DYNLRB2: variants seen among roughly 807,000 people sequenced by gnomAD.
DYNLRB2 encodes bithoraxoid-like protein.
In DYNLRB2, 14 loss-of-function variants were observed where a neutral mutation model predicts 12.6. The observed-to-expected ratio is 1.11, with a 90% CI of 0.73 to 1.73. DYNLRB2 has a LOEUF of 1.73. DYNLRB2 is among the 40% of genes most tolerant of loss of function. DYNLRB2 has a pLI of 0.00. For synonymous variants in DYNLRB2, 53 were observed against 37.0 expected, an observed-to-expected ratio of 1.43 and a Z score of -1.57; for missense variants, 142 against 117.7, an observed-to-expected ratio of 1.21 and a Z score of -0.95.
intron 1 of DYNLRB2, among the ~76,000 whole-genome samples, chr16:80,542,616 A>G (rs1328950564): frequency 6.6e-6 from 1 of 152,210 alleles, no homozygotes; most frequent in African/African-American, 2.4e-5. Context: ...AACATACAAT[A>G]CACTCTACAC....
intron 1 of DYNLRB2, among the ~76,000 whole-genome samples, chr16:80,542,643 G>C (rs1904298230): frequency 6.6e-6 from 1 of 152,162 alleles, no homozygotes; most frequent in Admixed American, 6.5e-5. Flanking sequence ...TTCCGAATGA[G>C]TTTAAAACAC....
At chr16:80,545,109 C>G (rs2142309081) in intron 2 of DYNLRB2, among the ~76,000 whole-genome samples, 1 of 152,274 alleles carries the variant, frequency 6.6e-6, no homozygotes, top group East Asian at 1.9e-4. Flanking sequence ...AACCACTCAT[C>G]TAATGTGATT....
chr16:80,541,276 G>C (rs1158564568), intron 1 of DYNLRB2, 197 bp downstream of exon 1: 1 of 954,266 alleles, frequency 1.0e-6, no homozygotes, highest in East Asian at 1.2e-4. Flanking sequence ...ATGACTGGAA[G>C]CTGTTTTGGG....
chr16:80,548,786 A>G (rs1349084043), intron 2 of DYNLRB2, among the ~76,000 whole-genome samples: 2 of 152,066 alleles, frequency 1.3e-5, no homozygotes, highest in Non-Finnish European at 2.9e-5. Context: ...AAAGCCAAAA[A>G]TGGGTGCAAA....
intron 3 of DYNLRB2, 108 bp downstream of exon 3, chr16:80,549,759 T>C (rs1324536017): frequency 8.8e-7 from 1 of 1,141,722 alleles, no homozygotes; most frequent in Non-Finnish European, 1.1e-6. Flanking sequence ...ATATAAAACA[T>C]AATATTCTTC....
rs374532127 is a variant in DYNLRB2 at position 80,549,511 on chromosome 16, A to G, written c.107A>G (p.Asn36Ser). Residue 36 changes from asparagine to serine, a missense_variant, in exon 3 of 4, where the codon AAC becomes AGC. Transcript: ENST00000305904. ...EGIPIRTTLD[N>S]STTVQYAGLL... ...ATTCCCATCCGAACAACCTTGGACA[A>G]CTCAACAACTGTTCAATATGCAGGC... The G allele has an allele frequency of 1.9e-6, 3 of 1,611,018 alleles. No homozygotes were observed. The highest frequency in any genetic ancestry group is 2.5e-6 in the Non-Finnish European group (3 of 1,178,078).
At chr16:80,540,794 G>C (rs773751043), upstream of DYNLRB2, 1 of 704,890 alleles carries the variant, frequency 1.4e-6, no homozygotes, top group South Asian at 1.5e-5. Flanking sequence ...CAGGCCGGGA[G>C]CCTGACCCAC....
intron 1 of DYNLRB2, among the ~76,000 whole-genome samples, chr16:80,542,661 G>T (rs916560824): frequency 6.6e-6 from 1 of 152,148 alleles, no homozygotes; most frequent in Admixed American, 6.5e-5. Flanking sequence ...CACAATAATA[G>T]ATTCCAGAAT....
chr16:80,541,053 G>C lies in DYNLRB2; in HGVS notation c.-24G>C. On this transcript the variant is annotated 5_prime_UTR_variant, in exon 1 of 4. Transcript: ENST00000305904. ...CCGGGAGGCTGTGCCGCCGGCCTGA[G>C]CCCAGAGTTTCGCGGCCTCCGCGAT... 1 of 1,607,972 alleles carries C rather than the reference G, an allele frequency of 6.2e-7. No homozygotes were observed. Among genetic ancestry groups the C allele is most frequent in the Non-Finnish European group, 8.5e-7 (1 of 1,176,610 alleles).
chr16:80,547,679 T>A, intron 2 of DYNLRB2: 1 of 446,736 alleles, frequency 2.2e-6, no homozygotes, highest in African/African-American at 2.0e-5. Flanking sequence ...CTACTTAGGA[T>A]GCAAAATAAA....
At chr16:80,546,345 CTTG>C (rs1226111019) in intron 2 of DYNLRB2, among the ~76,000 whole-genome samples, 1 of 152,126 alleles carries the variant, frequency 6.6e-6, no homozygotes, top group Non-Finnish European at 1.5e-5. Context: ...TTTATGTATT[CTTG>C]TTTTCTACTA....
chr16:80,550,640 TCTAA>T lies in DYNLRB2; in HGVS notation c.*85_*88del, dbSNP rs1904787929. The T allele has an allele frequency of 4.2e-6, 6 of 1,429,730 alleles. No individual in the cohort carries two copies. The highest frequency in any genetic ancestry group is 5.9e-6 in the Non-Finnish European group (6 of 1,013,416). 88.6% of individuals were successfully genotyped at this position (1,429,730 alleles called of 1,614,324 possible). On this transcript the variant is annotated 3_prime_UTR_variant, in exon 4 of 4. Transcript: ENST00000305904. Reference sequence around the variant, plus strand: ...CATGAGTATTAAAATTCTATTTCAATCTAACTGACCCTTCAAACATTCTTTTCTA... The same window carrying T: ...CATGAGTATTAAAATTCTATTTCAATCTGACCCTTCAAACATTCTTTTCTA...
chr16:80,542,269 C>G (rs1318056942), intron 1 of DYNLRB2, among the ~76,000 whole-genome samples: 1 of 152,078 alleles, frequency 6.6e-6, no homozygotes, highest in Non-Finnish European at 1.5e-5. Flanking sequence ...AAGCTTTTAG[C>G]AGTGAGATAA....
intron 1 of DYNLRB2, 135 bp downstream of exon 1, chr16:80,541,214 C>T (rs1904285186): frequency 2.1e-6 from 3 of 1,435,724 alleles, no homozygotes; most frequent in Admixed American, 2.8e-5. Flanking sequence ...GCTCCAGGAT[C>T]TTCCTGGAGG....
At chr16:80,541,134 G>A (rs1904284637) in intron 1 of DYNLRB2, 55 bp downstream of exon 1, 1 of 1,586,394 alleles carries the variant, frequency 6.3e-7, no homozygotes, top group Non-Finnish European at 8.6e-7. Flanking sequence ...CGACCGTCAA[G>A]GACCTTCGCA....
At chr16:80,541,971 G>A (rs1445163624) in intron 1 of DYNLRB2, among the ~76,000 whole-genome samples, 1 of 152,150 alleles carries the variant, frequency 6.6e-6, no homozygotes, top group African/African-American at 2.4e-5. Flanking sequence ...GAATCACATC[G>A]TGAGAAAGTT....
chr16:80,544,636 TG>T (rs1422693867), intron 2 of DYNLRB2: 1 of 152,204 alleles, frequency 6.6e-6, no homozygotes, highest in Non-Finnish European at 1.5e-5. Context: ...TAGTTTCCTT[TG>T]GCTACAGTAA....
intron 1 of DYNLRB2, among the ~76,000 whole-genome samples, chr16:80,541,915 A>G (rs1904291882): frequency 1.3e-5 from 2 of 152,212 alleles, no homozygotes; most frequent in Non-Finnish European, 2.9e-5. Context: ...GTCAGATGCA[A>G]ACATTCGTTG....
Position 80,550,790 on chromosome 16 carries a change from A to G in DYNLRB2, c.*232A>G, listed in dbSNP as rs1904798027. 3.7e-6 allele frequency: 2 copies of G among 538,568 alleles called. No homozygotes were observed. Among genetic ancestry groups the G allele is most frequent in the Non-Finnish European group, 6.5e-6 (2 of 306,150 alleles). 33.4% of individuals were successfully genotyped at this position (538,568 alleles called of 1,614,324 possible). Reference sequence around the variant, plus strand: ...ATACGTCTCTATTGTCTTATAATACACAAAACCAAGGATTCTACTAAGACA... The same window carrying G: ...ATACGTCTCTATTGTCTTATAATACGCAAAACCAAGGATTCTACTAAGACA... On this transcript the variant is annotated 3_prime_UTR_variant, in exon 4 of 4. Coordinates refer to ENST00000305904, the MANE Select transcript of DYNLRB2 (RefSeq NM_130897.3).
Sources: allele counts gnomAD v4.1 joint callset (sites outside exome capture counted in the v4.1 genomes callset), GRCh38; gene constraint gnomAD v4.1.1; transcripts MANE v1.5; gene names NCBI Gene and HGNC (gene_info 2026-07-23, HGNC 2026-07-21).